Variants in CCDC85C observed in about 807,000 individuals in gnomAD.
The protein encoded by CCDC85C is coiled-coil domain-containing protein 85C.
Under a neutral mutation model 38.3 loss-of-function variants are expected in CCDC85C, and 18 were observed. The observed-to-expected ratio is 0.47, with a 90% CI of 0.33 to 0.70. The LOEUF is 0.70. Ranked by LOEUF, CCDC85C falls within the 30% of genes least tolerant of loss-of-function variation. The pLI is 0.03. For synonymous variants in CCDC85C, 264 were observed against 293.8 expected (o/e 0.90, Z 1.04); for missense variants, 566 against 621.2 (o/e 0.91, Z 0.94).
In CCDC85C at chr14:99,500,804, C is replaced by A. The variant is rs1896804825; in HGVS notation, c.*14442G>T. On this transcript the variant is annotated 3_prime_UTR_variant, in exon 6 of 6. Coordinates refer to ENST00000380243, the MANE Select transcript of CCDC85C (RefSeq NM_001144995.2). The stretch of plus-strand genomic sequence containing the variant: ...TTCTGGAGAGAATCTTACTGCAGAC[C>A]ATCAAGTTTGATTTACAGGTAGAAC... The A allele has an allele frequency of 6.4e-7, 1 of 1,567,362 alleles. No individual in the cohort carries two copies.
chr14:99,537,180 T>C (rs1897619845), intron 1 of CCDC85C, among the ~76,000 whole-genome samples: 1 of 152,138 alleles, frequency 6.6e-6, no homozygotes, highest in African/African-American at 2.4e-5. Flanking sequence ...CCCTGACAGC[T>C]GTCCACCCAC....
intron 1 of CCDC85C, among the ~76,000 whole-genome samples, chr14:99,552,868 C>A (rs1168580029): frequency 6.6e-6 from 1 of 152,220 alleles, no homozygotes; most frequent in Non-Finnish European, 1.5e-5. Context: ...GTGCTTCCTG[C>A]ATGGCTCTTG....
chr14:99,517,754 C>T (rs905048453), intron 3 of CCDC85C, among the ~76,000 whole-genome samples: 1 of 152,216 alleles, frequency 6.6e-6, no homozygotes, highest in African/African-American at 2.4e-5. Flanking sequence ...GGGACCCAGC[C>T]TCTGTCAGAA....
At chr14:99,546,453 GC>G (rs1322117399) in intron 1 of CCDC85C, among the ~76,000 whole-genome samples, 2 of 152,084 alleles carry the variant, frequency 1.3e-5, no homozygotes, top group Admixed American at 1.3e-4. Context: ...CACTTGATCT[GC>G]GGTGAGAGCA....
intron 1 of CCDC85C, among the ~76,000 whole-genome samples, chr14:99,551,506 T>C (rs996824991): frequency 1.4e-5 from 2 of 147,920 alleles, no homozygotes; most frequent in African/African-American, 5.1e-5. Flanking sequence ...AGTGTGCAGG[T>C]GGGTGTGCAG....
chr14:99,527,709 G>A (rs989039083), intron 2 of CCDC85C, among the ~76,000 whole-genome samples: 2 of 152,170 alleles, frequency 1.3e-5, no homozygotes, highest in African/African-American at 4.8e-5. Flanking sequence ...CAGCTCAGCA[G>A]CCCTGGAGAC....
chr14:99,516,934 A>T lies in CCDC85C; in HGVS notation c.1071+154T>A, dbSNP rs930776735. Among the ~76,000 whole-genome samples, 1 of 152,078 alleles carries T rather than the reference A, an allele frequency of 6.6e-6. No individual in the cohort carries two copies. Among genetic ancestry groups the T allele is most frequent in the African/African-American group, 2.4e-5 (1 of 41,392 alleles). On this transcript the variant is annotated intron_variant, in intron 4 of 5. Transcript: ENST00000380243. The surrounding 1 kb of genome is among the most constrained non-coding windows in gnomAD (Gnocchi z 5.5). The stretch of plus-strand genomic sequence containing the variant: ...GACTGCCACCTCTGAGTTCAACCTC[A>T]CAGTGCTCCAGGCAGCCATGGTCAC...
chr14:99,573,386 G>C (rs1188278723), intron 1 of CCDC85C, among the ~76,000 whole-genome samples: 5 of 152,220 alleles, frequency 3.3e-5, no homozygotes, highest in African/African-American at 9.6e-5. Flanking sequence ...GAAGAGTTTT[G>C]TTCTGAGCTC....
chr14:99,534,565 C>A, intron 2 of CCDC85C: 1 of 697,434 alleles, frequency 1.4e-6, no homozygotes. Flanking sequence ...TGCCACCACC[C>A]AGAGGCAGGA....
Position 99,535,929 on chromosome 14 carries a change from C to T in CCDC85C, c.867+86G>A. The T allele has an allele frequency of 9.8e-7, 1 of 1,024,896 alleles. No homozygotes were observed. Among genetic ancestry groups the T allele is most frequent in the Non-Finnish European group, 1.5e-6 (1 of 675,700 alleles). 63.5% of individuals were successfully genotyped at this position (1,024,896 alleles called of 1,614,324 possible). A position where few individuals can be genotyped will look rare whatever the true frequency, so the allele number is the denominator to read the frequency against. Reference sequence around the variant, plus strand: ...GAGCAGTTGGGGGGACAGCCTAGGTCCCAAGGGGAAGGGTGCCCTGGGTGA... The same window carrying T: ...GAGCAGTTGGGGGGACAGCCTAGGTTCCAAGGGGAAGGGTGCCCTGGGTGA... On this transcript the variant is annotated intron_variant, in intron 2 of 5. Coordinates refer to ENST00000380243, the MANE Select transcript of CCDC85C (RefSeq NM_001144995.2). The surrounding 1 kb of genome is among the most constrained non-coding windows in gnomAD (Gnocchi z 5.5).
chr14:99,515,816 G>A (rs1195025159), intron 5 of CCDC85C, among the ~76,000 whole-genome samples: 2 of 152,050 alleles, frequency 1.3e-5, no homozygotes, highest in African/African-American at 2.4e-5. Flanking sequence ...CATCTGCCCA[G>A]CCAGCAGCCA....
At chr14:99,568,357 TA>T (rs1280448837) in intron 1 of CCDC85C, among the ~76,000 whole-genome samples, 3 of 149,824 alleles carry the variant, frequency 2.0e-5, no homozygotes, top group Non-Finnish European at 4.4e-5. Context: ...TGCGCATTTC[TA>T]AAGGGCTGGA....
At chr14:99,540,153 AAG>A (rs1491204999) in intron 1 of CCDC85C, among the ~76,000 whole-genome samples, 12 of 123,090 alleles carry the variant, frequency 9.7e-5, no homozygotes, top group Middle Eastern at 4.6e-3. Flanking sequence ...TTTAAAAAAA[AAG>A]GGGGGGGAAC....
rs926627836 is a variant in CCDC85C at position 99,502,400 on chromosome 14, C to T, written c.*12846G>A. 13 of 1,608,680 alleles carry T rather than the reference C, an allele frequency of 8.1e-6. No individual in the cohort carries two copies. Among genetic ancestry groups the T allele is most frequent in the Admixed American group, 1.7e-5 (1 of 59,440 alleles). ...AGGTACCAGGCATGCTAAGCGTTCT[C>T]GTGAGGGTGTTCCATGTTGAGATGA... On this transcript the variant is annotated 3_prime_UTR_variant, in exon 6 of 6. Coordinates refer to ENST00000380243, the MANE Select transcript of CCDC85C (RefSeq NM_001144995.2).
rs1897119008 is a variant in CCDC85C, at chr14:99,511,040, T to A, written c.*4206A>T. The A allele has an allele frequency of 1.5e-5, 5 of 330,308 alleles. No homozygotes were observed. 20.5% of individuals were successfully genotyped at this position (330,308 alleles called of 1,614,324 possible). ...TGGTTCAGCTAATGTCTGAGAGTCC[T>A]GCACTGGGTTACTTTATACTAGTGA... On this transcript the variant is annotated 3_prime_UTR_variant, in exon 6 of 6. Coordinates refer to ENST00000380243, the MANE Select transcript of CCDC85C (RefSeq NM_001144995.2).
At position 99,603,784 on chromosome 14, in the gene CCDC85C, C is replaced by T; in HGVS notation, c.176G>A (p.Arg59Gln). The change falls in exon 1 of 6, where the codon CGG (arginine) becomes CAG (glutamine). Residue 59 changes from arginine (R) to glutamine (Q), a missense_variant. Physicochemically the swap from Arg to Gln is conservative, Grantham distance 43. This residue lies in a region of CCDC85C where 269 missense variants were observed against 308.2 expected (regional missense o/e 0.87). Transcript: ENST00000380243. The surrounding 1 kb of genome is among the most constrained non-coding windows in gnomAD (Gnocchi z 7.5). ...HGGLMRDVNR[R>Q]LQQHLLEIRG... is the part of the protein sequence containing the mutation. Reference sequence around the variant, plus strand: ...GATCTCCAGCAGGTGCTGCTGCAGCCGCCGGTTCACGTCGCGCATCAGGCC... The same window carrying T: ...GATCTCCAGCAGGTGCTGCTGCAGCTGCCGGTTCACGTCGCGCATCAGGCC... The T allele has an allele frequency of 6.6e-7, 1 of 1,525,850 alleles. No homozygotes were observed. Among genetic ancestry groups the T allele is most frequent in the Non-Finnish European group, 8.8e-7 (1 of 1,142,552 alleles). 94.5% of individuals were successfully genotyped at this position (1,525,850 alleles called of 1,614,324 possible).
At chr14:99,519,012 T>A (rs1897268096) in intron 3 of CCDC85C, among the ~76,000 whole-genome samples, 1 of 150,226 alleles carries the variant, frequency 6.7e-6, no homozygotes, top group African/African-American at 2.5e-5. Context: ...TCCCACTGAC[T>A]AGGTACCCAC....
At chr14:99,523,169 A>G (rs1019109691) in intron 2 of CCDC85C, among the ~76,000 whole-genome samples, 1 of 152,214 alleles carries the variant, frequency 6.6e-6, no homozygotes, top group South Asian at 2.1e-4. Context: ...TTACCCAAAC[A>G]AACTGCAGGG....
At chr14:99,528,341 C>A (rs1014729519) in intron 2 of CCDC85C, among the ~76,000 whole-genome samples, 3 of 152,232 alleles carry the variant, frequency 2.0e-5, no homozygotes, top group Non-Finnish European at 2.9e-5. Context: ...CATCTATTAG[C>A]CCAAAGCCAC....
Sources: gnomAD v4.1 joint callset for allele counts (sites outside exome capture counted in the v4.1 genomes callset) on GRCh38, gnomAD v4.1.1 for gene constraint, gnomAD v4.1.1 regional missense constraint, Gnocchi (gnomAD v3.1) non-coding constraint, MANE v1.5 for transcripts, NCBI Gene and HGNC (gene_info 2026-07-23, HGNC 2026-07-21) for gene names.